SCAPER: variants seen among roughly 807,000 people sequenced by gnomAD.
The protein encoded by SCAPER is S-phase cyclin A associated protein in the ER, also known as S phase cyclin A-associated protein in the endoplasmic reticulum.
In SCAPER, 98 loss-of-function variants were observed where a neutral mutation model predicts 182.2. The observed-to-expected ratio is 0.54, with a 90% CI of 0.46 to 0.64. The LOEUF (loss-of-function observed/expected upper bound fraction) is 0.64. Among genes scored for constraint, SCAPER ranks in the 30% least tolerant of loss-of-function variants. The pLI, the probability that SCAPER is intolerant of heterozygous loss-of-function variation, is 0.00. For synonymous variants in SCAPER, 605 were observed against 564.6 expected, an observed-to-expected ratio of 1.07 and a Z score of -1.01; for missense variants, 1,432 against 1,690.0, an observed-to-expected ratio of 0.85 and a Z score of 2.68.
At chr15:76,583,370 T>C (rs1328892224) in intron 22 of SCAPER, among the ~76,000 whole-genome samples, 3 of 141,594 alleles carry the variant, frequency 2.1e-5, no homozygotes, top group African/African-American at 7.8e-5. Context: ...AAAAAAAAAC[T>C]TGAGTGTAAT....
At chr15:76,735,023 G>A (rs1005287329) in intron 15 of SCAPER, among the ~76,000 whole-genome samples, 1 of 152,038 alleles carries the variant, frequency 6.6e-6, no homozygotes, top group African/African-American at 2.4e-5. Flanking sequence ...AAACTCACAA[G>A]GGAAAGAGTA....
intron 25 of SCAPER, among the ~76,000 whole-genome samples, chr15:76,466,247 A>G (rs1258305854): frequency 2.0e-5 from 3 of 151,694 alleles, no homozygotes; most frequent in African/African-American, 7.3e-5. Flanking sequence ...TTAGGCTTTC[A>G]TCACTCTTTC....
intron 21 of SCAPER, among the ~76,000 whole-genome samples, chr15:76,659,327 G>A (rs2055927176): frequency 6.6e-6 from 1 of 152,002 alleles, no homozygotes; most frequent in African/African-American, 2.4e-5. Flanking sequence ...CTGGAGTATA[G>A]TGGTACAATC....
At chr15:76,348,792 A>C in intron 31 of SCAPER, 56 bp from the exon 32 acceptor site, 1 of 1,054,560 alleles carries the variant, frequency 9.5e-7, no homozygotes, top group South Asian at 1.6e-5. Flanking sequence ...AATTCTTTGA[A>C]GATTCATAAA....
At chr15:76,837,336 A>C (rs1043748679) in intron 5 of SCAPER, among the ~76,000 whole-genome samples, 1 of 152,226 alleles carries the variant, frequency 6.6e-6, no homozygotes, top group Non-Finnish European at 1.5e-5. Flanking sequence ...GAGACTGGCT[A>C]ATTTATAAAG....
At chr15:76,828,451 C>A (rs1189228194) in intron 5 of SCAPER, among the ~76,000 whole-genome samples, 1 of 151,962 alleles carries the variant, frequency 6.6e-6, no homozygotes, top group Non-Finnish European at 1.5e-5. Flanking sequence ...ATATAAGGAA[C>A]AAAGATCTGT....
intron 5 of SCAPER, among the ~76,000 whole-genome samples, chr15:76,824,419 C>T (rs138449272): frequency 4.5e-4 from 68 of 152,302 alleles, no homozygotes; most frequent in African/African-American, 1.6e-3. Flanking sequence ...GACATCAATA[C>T]AGCCCTCCAA....
intron 5 of SCAPER, among the ~76,000 whole-genome samples, chr15:76,833,265 T>A (rs1005549112): frequency 6.6e-6 from 1 of 152,178 alleles, no homozygotes; most frequent in South Asian, 2.1e-4. Context: ...GAATTTCATA[T>A]CCAGCCAAAC....
intron 29 of SCAPER, among the ~76,000 whole-genome samples, chr15:76,374,111 T>TG (rs2042376162): frequency 6.8e-6 from 1 of 147,524 alleles, no homozygotes; most frequent in Non-Finnish European, 1.5e-5. Context: ...ATTAGAAAGC[T>TG]GGGGGCAGTG....
chr15:76,417,961 C>T (rs1019210504), intron 26 of SCAPER, among the ~76,000 whole-genome samples: 13 of 151,568 alleles, frequency 8.6e-5, no homozygotes, highest in African/African-American at 2.9e-4. Context: ...GAGGGTTCAG[C>T]GAGCCGAGAT....
At chr15:76,439,149 AATCTCTGCTCACT>A (rs1235250609) in intron 25 of SCAPER, among the ~76,000 whole-genome samples, 1 of 151,952 alleles carries the variant, frequency 6.6e-6, no homozygotes, top group African/African-American at 2.4e-5. Context: ...GCAGTGGTGC[AATCTCTGCTCACT>A]GTATTCTCCA....
rs138876864 is a variant in SCAPER at position 76,455,693 on chromosome 15, G to C, written c.3078+15519C>G. On this transcript the variant is annotated intron_variant, in intron 25 of 31. Transcript: ENST00000563290. Reference sequence around the variant, plus strand: ...TATTTTTATTTTACTTTAAGTTCTGGGATACATGTGCTGAACGTGCAGGTT... The same window carrying C: ...TATTTTTATTTTACTTTAAGTTCTGCGATACATGTGCTGAACGTGCAGGTT... 6.0e-3 allele frequency among the ~76,000 whole-genome samples: 911 copies of C among 151,876 alleles called. 4 individuals are homozygous for C. Among genetic ancestry groups the C allele is most frequent in the African/African-American group, 0.021 (879 of 41,404 alleles).
intron 15 of SCAPER, among the ~76,000 whole-genome samples, chr15:76,748,577 G>A (rs1453717287): frequency 6.8e-6 from 1 of 147,956 alleles, no homozygotes; most frequent in Non-Finnish European, 1.5e-5. Context: ...CAAAATTAAA[G>A]AAAATATTTG....
At chr15:76,430,506 G>A (rs1188568409) in intron 26 of SCAPER, among the ~76,000 whole-genome samples, 1 of 152,230 alleles carries the variant, frequency 6.6e-6, no homozygotes, top group Non-Finnish European at 1.5e-5. Flanking sequence ...AGTGTGACCT[G>A]GATGTGAGAC....
intron 24 of SCAPER, among the ~76,000 whole-genome samples, chr15:76,502,995 T>C (rs2041269008): frequency 6.6e-6 from 1 of 152,118 alleles, no homozygotes; most frequent in Non-Finnish European, 1.5e-5. Context: ...TTTTGGGAAA[T>C]AGGCATTTAA....
chr15:76,696,016 T>C (rs1205787016), intron 20 of SCAPER, among the ~76,000 whole-genome samples: 1 of 152,230 alleles, frequency 6.6e-6, no homozygotes, highest in Non-Finnish European at 1.5e-5. Context: ...TTACTTCTAG[T>C]TTGTTCATTT....
At chr15:76,667,040 G>A (rs1193697677) in intron 20 of SCAPER, among the ~76,000 whole-genome samples, 2 of 152,130 alleles carry the variant, frequency 1.3e-5, no homozygotes, top group Non-Finnish European at 2.9e-5. Flanking sequence ...TCTCTGATCA[G>A]CTACTATCCT....
At chr15:76,648,224 C>G (rs2054717587) in intron 21 of SCAPER, among the ~76,000 whole-genome samples, 1 of 147,410 alleles carries the variant, frequency 6.8e-6, no homozygotes, top group Admixed American at 6.7e-5. Flanking sequence ...GAAACTGAAA[C>G]TATAAAATCA....
chr15:76,504,740 AT>A, intron 24 of SCAPER, 118 bp downstream of exon 24: 2 of 735,066 alleles, frequency 2.7e-6, no homozygotes, highest in Non-Finnish European at 2.1e-6. Flanking sequence ...GGAGTGTAAG[AT>A]TTTGGTATTC....
Sources: gnomAD v4.1 joint callset for allele counts (sites outside exome capture counted in the v4.1 genomes callset) on GRCh38, gnomAD v4.1.1 for gene constraint, MANE v1.5 for transcripts, NCBI Gene and HGNC (gene_info 2026-07-23, HGNC 2026-07-21) for gene names.